LAMA1: variants seen among roughly 807,000 people sequenced by gnomAD.
LAMA1 encodes the protein laminin subunit alpha 1, also known as laminin subunit alpha-1.
A neutral mutation model predicts 348.7 loss-of-function variants in LAMA1; 219 were observed. That is an observed-to-expected ratio of 0.63 (90% CI 0.56 to 0.70). The LOEUF is 0.70. LAMA1 is among the 30% of genes least tolerant of loss of function. The pLI is 0.00. For synonymous variants in LAMA1, 1,487 were observed against 1,491.0 expected (o/e 1.00, Z 0.06); for missense variants, 3,744 against 3,888.0 (o/e 0.96, Z 0.99).
At chr18:6,972,061 T>G in intron 47 of LAMA1, 80 bp from the exon 48 acceptor site, 1 of 1,557,312 alleles carries the variant, frequency 6.4e-7, no homozygotes, top group Non-Finnish European at 8.8e-7. Flanking sequence ...ACAAAACTTC[T>G]CTCTGGGAGC....
intron 35 of LAMA1, among the ~76,000 whole-genome samples, chr18:6,993,433 TA>T (rs954097008): frequency 2.0e-5 from 3 of 152,032 alleles, no homozygotes; most frequent in Non-Finnish European, 4.4e-5. Context: ...ATGCAGAAAA[TA>T]AAAAAAGAAA....
At chr18:7,060,291 A>G (rs2058097618) in intron 3 of LAMA1, among the ~76,000 whole-genome samples, 1 of 152,260 alleles carries the variant, frequency 6.6e-6, no homozygotes, top group Non-Finnish European at 1.5e-5. Flanking sequence ...AAAAAGAAAC[A>G]GCTTCATAAA....
At chr18:7,095,842 G>C (rs2058258794) in intron 1 of LAMA1, among the ~76,000 whole-genome samples, 1 of 152,238 alleles carries the variant, frequency 6.6e-6, no homozygotes. Context: ...GCCCAGGCGG[G>C]CAGATCATGA....
intron 3 of LAMA1, among the ~76,000 whole-genome samples, chr18:7,075,567 G>T (rs960672850): frequency 2.6e-5 from 4 of 151,966 alleles, no homozygotes; most frequent in Non-Finnish European, 5.9e-5. Flanking sequence ...AGGTTGCAGT[G>T]AGCCGAGATC....
In LAMA1 at chr18:6,943,213, T is replaced by C; in HGVS notation, c.9034A>G (p.Thr3012Ala). ...CCACCAACATAAATGGGATTGTTGG[T>C]GTCCACTGAGGTAGACTGGGTGTGT... is the stretch of plus-strand genomic sequence containing the variant. ...SPHTQSTSVD[T>A]NNPIYVGGYP... Residue 3012 changes from threonine to alanine, a missense_variant, in exon 62 of 63, where the codon ACC becomes GCC. Physicochemically the swap from Thr to Ala is moderately conservative, Grantham distance 58 (BLOSUM62 0). This residue lies in a region of LAMA1 where 232 missense variants were observed against 264.4 expected (regional missense o/e 0.88). Coordinates refer to ENST00000389658, the MANE Select transcript of LAMA1 (RefSeq NM_005559.4). The C allele has an allele frequency of 1.9e-6, 3 of 1,614,224 alleles. No individual in the cohort carries two copies. Among genetic ancestry groups the C allele is most frequent in the Non-Finnish European group, 2.5e-6 (3 of 1,180,036 alleles).
intron 1 of LAMA1, among the ~76,000 whole-genome samples, chr18:7,107,692 G>A (rs2058318128): frequency 6.6e-6 from 1 of 152,154 alleles, no homozygotes; most frequent in African/African-American, 2.4e-5. Flanking sequence ...ACTCCTATAA[G>A]GAAATACTAT....
chr18:7,043,509 A>T, intron 7 of LAMA1, 104 bp from the exon 8 acceptor site: 1 of 913,974 alleles, frequency 1.1e-6, no homozygotes, highest in Non-Finnish European at 1.7e-6. Context: ...GATTAAATTA[A>T]AATCCTAGAA....
chr18:7,018,957 C>A (rs906711382), intron 19 of LAMA1, among the ~76,000 whole-genome samples: 4 of 152,086 alleles, frequency 2.6e-5, no homozygotes, highest in Non-Finnish European at 4.4e-5. Flanking sequence ...GCTGCAGTCC[C>A]ACGAGAGGCC....
intron 3 of LAMA1, among the ~76,000 whole-genome samples, chr18:7,063,137 CTAG>C: frequency 6.6e-6 from 1 of 152,126 alleles, no homozygotes; most frequent in Non-Finnish European, 1.5e-5. Context: ...GGCCCTAAAT[CTAG>C]CTGAATCGTT....
chr18:7,106,650 G>A (rs1302289218), intron 1 of LAMA1, among the ~76,000 whole-genome samples: 4 of 151,928 alleles, frequency 2.6e-5, no homozygotes, highest in South Asian at 2.1e-4. Flanking sequence ...GTGAGCCACC[G>A]CGCCCGGCCA....
At chr18:6,958,240 CAGAG>C (rs548364319) in intron 55 of LAMA1, among the ~76,000 whole-genome samples, 30 of 152,212 alleles carry the variant, frequency 2.0e-4, no homozygotes, top group African/African-American at 6.7e-4. Flanking sequence ...TGGACAGCCA[CAGAG>C]AGCTAATGTT....
At position 7,002,375 on chromosome 18, in the gene LAMA1, T is replaced by G; in HGVS notation, c.4271A>C (p.Asp1424Ala). ...ATCACAATGGTCACCTGCTGTGTTATCGCCACAGTTCTGGGAGCCCACATT... is the reference window on the plus strand; with the variant it reads ...ATCACAATGGTCACCTGCTGTGTTAGCGCCACAGTTCTGGGAGCCCACATT... ...PNTGKCLNCG[D>A]NTAGDHCDVC... The change falls in exon 30 of 63, where the codon GAT (aspartate) becomes GCT (alanine). Residue 1424 changes from aspartate (D) to alanine (A), a missense_variant. Asp to Ala is a moderately radical substitution (Grantham distance 126). Transcript: ENST00000389658. The G allele has an allele frequency of 6.2e-7, 1 of 1,613,554 alleles. No individual in the cohort carries two copies. Among genetic ancestry groups the G allele is most frequent in the Non-Finnish European group, 8.5e-7 (1 of 1,180,026 alleles).
rs766759529 is a variant in LAMA1, at chr18:6,964,701, G to A, written c.7298C>T (p.Pro2433Leu). 2.0e-5 allele frequency: 32 copies of A among 1,613,866 alleles called. No individual in the cohort carries two copies. The East Asian group carries it at 2.0e-4, about 10-fold the overall frequency. Residue 2433 changes from proline (P) to leucine (L), a missense_variant, in exon 51 of 63, where the codon CCG becomes CTG. Transcript: ENST00000389658. ...CCTTGGTAATCCACCCACATAAATC[G>A]GGTCCTTGTCTAGGCGGTTGAGGTC... ...SSDLNRLDKD[P>L]IYVGGLPRSR...
At chr18:7,098,469 G>C (rs913945351) in intron 1 of LAMA1, among the ~76,000 whole-genome samples, 2 of 145,716 alleles carry the variant, frequency 1.4e-5, no homozygotes, top group Admixed American at 1.4e-4. Flanking sequence ...GCCGCCCATC[G>C]TCTAAGATGT....
At chr18:7,041,492 T>C (rs1255789754) in intron 9 of LAMA1, among the ~76,000 whole-genome samples, 1 of 152,208 alleles carries the variant, frequency 6.6e-6, no homozygotes, top group Non-Finnish European at 1.5e-5. Flanking sequence ...TACTGGTCGA[T>C]ATCCATTTTA....
chr18:6,942,344 A>T lies in LAMA1; in HGVS notation c.9068-105T>A, dbSNP rs1037512804. 30 of 1,235,490 alleles carry T rather than the reference A, an allele frequency of 2.4e-5. No homozygotes were observed. In the Admixed American group the frequency reaches 2.5e-4, roughly 10 times the overall value. 76.5% of individuals were successfully genotyped at this position (1,235,490 alleles called of 1,614,324 possible). A position where few individuals can be genotyped will look rare whatever the true frequency, so the allele number is the denominator to read the frequency against. On this transcript the variant is annotated intron_variant, in intron 62 of 62. Transcript: ENST00000389658. The stretch of plus-strand genomic sequence containing the variant: ...TCTCAAGCGGGTTTTTTTATTTTTT[A>T]AATTTTTCACTATCAAAATTAGGAG...
At chr18:7,018,336 CAAAAAAAAAAAA>C (rs764975447) in intron 19 of LAMA1, among the ~76,000 whole-genome samples, 4 of 44,200 alleles carry the variant, frequency 9.0e-5, no homozygotes, top group South Asian at 3.1e-3. Flanking sequence ...AACTCCATCT[CAAAAAAAAAAAA>C]AAAAAAAAAA....
chr18:7,042,965 A>G, intron 8 of LAMA1: 1 of 451,970 alleles, frequency 2.2e-6, no homozygotes, highest in Admixed American at 3.8e-5. Context: ...CTGAATTTTC[A>G]CATCTGTAGT....
At chr18:6,993,547 A>G in intron 35 of LAMA1, 94 bp downstream of exon 35, 1 of 963,576 alleles carries the variant, frequency 1.0e-6, no homozygotes, top group East Asian at 2.4e-5. Context: ...AACCCGATGC[A>G]AGAGATATAC....
Sources: allele counts gnomAD v4.1 joint callset (sites outside exome capture counted in the v4.1 genomes callset), GRCh38; gene constraint gnomAD v4.1.1; regional missense constraint gnomAD v4.1.1; transcripts MANE v1.5; gene names NCBI Gene and HGNC (gene_info 2026-07-23, HGNC 2026-07-21).